The following KCNQ3 variants were observed in gnomAD, a reference collection of about 807,000 sequenced individuals.
KCNQ3 encodes potassium voltage-gated channel subfamily KQT member 3.
A neutral mutation model predicts 92.5 loss-of-function variants in KCNQ3; 30 were observed. That is an observed-to-expected ratio of 0.32 (90% CI 0.24 to 0.44). The LOEUF (loss-of-function observed/expected upper bound fraction) is 0.44. Ranked by LOEUF, KCNQ3 falls within the 20% of genes least tolerant of loss-of-function variation. KCNQ3 has a pLI of 1.00. For missense variants in KCNQ3, 913 were observed against 1,140.3 expected (o/e 0.80, Z 2.87); for synonymous variants, 450 against 468.8 (o/e 0.96, Z 0.52).
chr8:132,413,662 A>G (rs1820714905), intron 1 of KCNQ3, among the ~76,000 whole-genome samples: 1 of 152,172 alleles, frequency 6.6e-6, no homozygotes, highest in African/African-American at 2.4e-5. Flanking sequence ...TGGTTAAAAA[A>G]CGTTGTCAGA....
chr8:132,310,235 C>A (rs1368292542), intron 1 of KCNQ3, among the ~76,000 whole-genome samples: 1 of 152,176 alleles, frequency 6.6e-6, no homozygotes, highest in Non-Finnish European at 1.5e-5. Flanking sequence ...CCGTGCAGAC[C>A]CAGGATGCTT....
intron 9 of KCNQ3, among the ~76,000 whole-genome samples, chr8:132,154,696 T>C (rs1825753115): frequency 1.3e-5 from 2 of 152,144 alleles, no homozygotes; most frequent in African/African-American, 4.8e-5. Context: ...TGTTCCTAGG[T>C]GGTGACCTGG....
At chr8:132,469,499 G>A (rs190257869) in intron 1 of KCNQ3, among the ~76,000 whole-genome samples, 5 of 152,256 alleles carry the variant, frequency 3.3e-5, no homozygotes, top group Admixed American at 2.6e-4. Flanking sequence ...CTCACTCAAC[G>A]TACTCTGACA....
chr8:132,410,677 T>C (rs1820627304), intron 1 of KCNQ3, among the ~76,000 whole-genome samples: 1 of 152,210 alleles, frequency 6.6e-6, no homozygotes, highest in Non-Finnish European at 1.5e-5. Flanking sequence ...TAACGTTACC[T>C]TTCACTACAG....
At chr8:132,227,947 C>T (rs1246816384) in intron 1 of KCNQ3, among the ~76,000 whole-genome samples, 2 of 151,774 alleles carry the variant, frequency 1.3e-5, no homozygotes, top group East Asian at 1.9e-4. Flanking sequence ...AATGCTCAGG[C>T]TCAAAGAAGT....
chr8:132,151,670 T>C (rs1825639205), intron 9 of KCNQ3, among the ~76,000 whole-genome samples: 1 of 152,246 alleles, frequency 6.6e-6, no homozygotes, highest in Non-Finnish European at 1.5e-5. Flanking sequence ...TAATTTATGG[T>C]AGTATGTAAT....
At chr8:132,245,686 A>G (rs773689326) in intron 1 of KCNQ3, among the ~76,000 whole-genome samples, 2 of 152,090 alleles carry the variant, frequency 1.3e-5, no homozygotes, top group Non-Finnish European at 2.9e-5. Flanking sequence ...TCAACGTATC[A>G]TTTTCCCATT....
chr8:132,281,982 C>T (rs1414352313), intron 1 of KCNQ3, among the ~76,000 whole-genome samples: 1 of 152,170 alleles, frequency 6.6e-6, no homozygotes, highest in Non-Finnish European at 1.5e-5. Context: ...TCACCTTCCT[C>T]ACATTCTTCA....
At chr8:132,368,501 T>C (rs1819383925) in intron 1 of KCNQ3, among the ~76,000 whole-genome samples, 2 of 151,562 alleles carry the variant, frequency 1.3e-5, no homozygotes, top group Admixed American at 6.6e-5. Flanking sequence ...AAAATAAAAA[T>C]AAACAGCTGG....
intron 9 of KCNQ3, among the ~76,000 whole-genome samples, chr8:132,158,031 G>A (rs2130050655): frequency 6.6e-6 from 1 of 152,244 alleles, no homozygotes; most frequent in Admixed American, 6.5e-5. Flanking sequence ...ATTATCCCAA[G>A]AGGAAAACTG....
intron 1 of KCNQ3, among the ~76,000 whole-genome samples, chr8:132,396,088 T>C (rs959380168): frequency 6.6e-5 from 10 of 152,116 alleles, no homozygotes; most frequent in Non-Finnish European, 1.5e-4. Flanking sequence ...CAGTGAGGAT[T>C]AGAGGAGATG....
chr8:132,228,585 TAC>T (rs1301446239), intron 1 of KCNQ3, among the ~76,000 whole-genome samples: 2 of 152,176 alleles, frequency 1.3e-5, no homozygotes, highest in Non-Finnish European at 1.5e-5. Context: ...ACTCAAAAAA[TAC>T]AGTTTTAATT....
chr8:132,164,581 C>T lies in KCNQ3; in HGVS notation c.1236-1087G>A, dbSNP rs562121072. On this transcript the variant is annotated intron_variant, in intron 8 of 14. Transcript: ENST00000388996. ...CCATACATTCTCTGGGCCCATTTCC[C>T]CGCGAGCACAATAAAGTGATGAGTT... 4.6e-5 allele frequency among the ~76,000 whole-genome samples: 7 copies of T among 152,146 alleles called. No individual in the cohort carries two copies. In the East Asian group the frequency reaches 1.2e-3, roughly 25 times the overall value.
At chr8:132,170,848 C>CA (rs796652777) in intron 7 of KCNQ3, among the ~76,000 whole-genome samples, 843 of 63,386 alleles carry the variant, frequency 0.013, 10 homozygotes, top group South Asian at 0.075. Context: ...TTCATCTCTA[C>CA]AAAAAAAAAA....
intron 1 of KCNQ3, among the ~76,000 whole-genome samples, chr8:132,207,385 C>A (rs1017050873): frequency 6.6e-6 from 1 of 152,056 alleles, no homozygotes; most frequent in Non-Finnish European, 1.5e-5. Flanking sequence ...ATTTTAATAG[C>A]GAATAAAGCA....
chr8:132,185,224 G>C (rs530562053), intron 2 of KCNQ3, among the ~76,000 whole-genome samples: 1 of 152,216 alleles, frequency 6.6e-6, no homozygotes, highest in East Asian at 1.9e-4. Context: ...TGCCTCGATG[G>C]CTTGCCCAGT....
intron 1 of KCNQ3, among the ~76,000 whole-genome samples, chr8:132,451,529 T>C (rs1348797522): frequency 9.9e-5 from 15 of 152,134 alleles, no homozygotes; most frequent in African/African-American, 9.7e-5. Flanking sequence ...TTTTCCAGAA[T>C]AGGAAATCAG....
At chr8:132,333,130 C>A (rs987215554) in intron 1 of KCNQ3, among the ~76,000 whole-genome samples, 3 of 152,170 alleles carry the variant, frequency 2.0e-5, no homozygotes, top group South Asian at 4.1e-4. Context: ...ATCCTCAGTG[C>A]TATCCTTCTG....
At chr8:132,283,267 T>A (rs567490665) in intron 1 of KCNQ3, among the ~76,000 whole-genome samples, 2 of 151,986 alleles carry the variant, frequency 1.3e-5, no homozygotes, top group East Asian at 1.9e-4. Context: ...AAAAAAAAAA[T>A]TTATCTTTGG....
Sources: allele counts gnomAD v4.1 joint callset (sites outside exome capture counted in the v4.1 genomes callset), GRCh38; gene constraint gnomAD v4.1.1; transcripts MANE v1.5; gene names NCBI Gene and HGNC (gene_info 2026-07-23, HGNC 2026-07-21).